NXPE2: variants seen among roughly 807,000 people sequenced by gnomAD.
NXPE2 encodes neurexophilin and PC-esterase domain family member 2.
A neutral mutation model predicts 34.4 loss-of-function variants in NXPE2; 34 were observed. That is an observed-to-expected ratio of 0.99 (90% CI 0.75 to 1.31). The LOEUF (loss-of-function observed/expected upper bound fraction) is 1.31. Among genes scored for constraint, NXPE2 ranks in the 40% most tolerant of loss-of-function variants. The pLI, the probability that NXPE2 is intolerant of heterozygous loss-of-function variation, is 0.00. For missense variants in NXPE2, 649 were observed against 672.5 expected (o/e 0.97, Z 0.39); for synonymous variants, 235 against 231.3 (o/e 1.02, Z -0.15).
chr11:114,470,513 T>G, the NXPE2 span, among the ~76,000 whole-genome samples: 1 of 152,146 alleles, frequency 6.6e-6, no homozygotes, highest in Non-Finnish European at 1.5e-5. Context: ...TGGTGATATG[T>G]CTGTCCAGAT....
At chr11:114,686,650 G>T (rs1251105528) in intron 2 of NXPE2, among the ~76,000 whole-genome samples, 1 of 152,078 alleles carries the variant, frequency 6.6e-6, no homozygotes, top group Non-Finnish European at 1.5e-5. Flanking sequence ...GGGATTGCTG[G>T]GTTGAATGGC....
At chr11:114,694,772 G>A (rs1951217789) in intron 2 of NXPE2, among the ~76,000 whole-genome samples, 1 of 151,840 alleles carries the variant, frequency 6.6e-6, no homozygotes, top group African/African-American at 2.4e-5. Context: ...TTTATTTCTA[G>A]CATTTCCTTT....
chr11:114,551,109 G>A, the NXPE2 span: 14 of 1,505,966 alleles, frequency 9.3e-6, no homozygotes, highest in East Asian at 3.4e-4. Flanking sequence ...CTACCTTTGT[G>A]AAGTTCTGAG....
the NXPE2 span, among the ~76,000 whole-genome samples, chr11:114,666,114 A>C: frequency 3.3e-5 from 5 of 152,028 alleles, no homozygotes; most frequent in African/African-American, 1.2e-4. Flanking sequence ...GACTCTCCAC[A>C]TCTTTAGACA....
At chr11:114,530,227 G>A in the NXPE2 span, 28 of 1,613,646 alleles carry the variant, frequency 1.7e-5, no homozygotes, top group South Asian at 6.6e-5. Context: ...TCTCTATTCC[G>A]GGTGGTCATG....
the NXPE2 span, among the ~76,000 whole-genome samples, chr11:114,520,028 T>G: frequency 2.7e-5 from 4 of 150,456 alleles, no homozygotes; most frequent in Non-Finnish European, 2.9e-5. Flanking sequence ...GGTCTCGATC[T>G]CCTGACCTCG....
intron 2 of NXPE2, among the ~76,000 whole-genome samples, chr11:114,695,932 T>G (rs925083290): frequency 6.6e-6 from 1 of 151,438 alleles, no homozygotes; most frequent in African/African-American, 2.4e-5. Context: ...GCAGGAGAAT[T>G]GCTTGAACCC....
chr11:114,537,950 C>A, the NXPE2 span, among the ~76,000 whole-genome samples: 4 of 151,930 alleles, frequency 2.6e-5, no homozygotes, highest in Non-Finnish European at 5.9e-5. Flanking sequence ...TCATATGGAA[C>A]CAAAAAGCCC....
chr11:114,643,204 G>T, the NXPE2 span, among the ~76,000 whole-genome samples: 48 of 152,128 alleles, frequency 3.2e-4, no homozygotes, highest in Non-Finnish European at 6.3e-4. Context: ...CATTCTGTAG[G>T]TTTCCTGTTC....
intron 1 of NXPE2, among the ~76,000 whole-genome samples, chr11:114,678,818 T>C (rs1429150981): frequency 6.6e-6 from 1 of 151,862 alleles, no homozygotes; most frequent in Non-Finnish European, 1.5e-5. Context: ...GCAGTGTAGA[T>C]AGTATTGTTT....
chr11:114,653,078 C>T, the NXPE2 span, among the ~76,000 whole-genome samples: 46 of 152,154 alleles, frequency 3.0e-4, 1 homozygote, highest in Non-Finnish European at 6.0e-4. Flanking sequence ...CCTTTTTACT[C>T]ATTGAATGTA....
At chr11:114,685,867 A>C (rs1326860161) in intron 2 of NXPE2, among the ~76,000 whole-genome samples, 1 of 152,148 alleles carries the variant, frequency 6.6e-6, no homozygotes, top group Non-Finnish European at 1.5e-5. Flanking sequence ...TCTTGACATG[A>C]CAAAATCATA....
the NXPE2 span, among the ~76,000 whole-genome samples, chr11:114,720,498 C>T: frequency 7.9e-5 from 12 of 152,226 alleles, no homozygotes. Flanking sequence ...CCTTAGAAAG[C>T]TTCTGGGTCA....
chr11:114,589,349 G>T, the NXPE2 span, among the ~76,000 whole-genome samples: 1 of 152,018 alleles, frequency 6.6e-6, no homozygotes, highest in African/African-American at 2.4e-5. Flanking sequence ...AGGAAGGAAG[G>T]TGGACCTCCT....
chr11:114,597,206 A>G, the NXPE2 span, among the ~76,000 whole-genome samples: 1 of 152,236 alleles, frequency 6.6e-6, no homozygotes. Context: ...TAAATCAACA[A>G]TGAAGATTAA....
At chr11:114,469,429 A>C in the NXPE2 span, among the ~76,000 whole-genome samples, 3 of 152,068 alleles carry the variant, frequency 2.0e-5, no homozygotes, top group African/African-American at 7.2e-5. Flanking sequence ...CTAGCTTTTT[A>C]AGAATAGCTT....
chr11:114,534,620 G>A, the NXPE2 span, among the ~76,000 whole-genome samples: 2 of 152,182 alleles, frequency 1.3e-5, no homozygotes, highest in East Asian at 1.9e-4. Context: ...ACCACAGCAC[G>A]AGAGCTACGT....
chr11:114,497,806 A>G, the NXPE2 span, among the ~76,000 whole-genome samples: 2 of 152,206 alleles, frequency 1.3e-5, no homozygotes, highest in African/African-American at 4.8e-5. Flanking sequence ...AATTTATGTC[A>G]GTTATAACTT....
the NXPE2 span, among the ~76,000 whole-genome samples, chr11:114,722,528 T>A: frequency 6.6e-6 from 1 of 152,188 alleles, no homozygotes; most frequent in African/African-American, 2.4e-5. Flanking sequence ...GGGAGCTCTG[T>A]TTTTGTTACA....
Sources: gnomAD v4.1 joint callset for allele counts (sites outside exome capture counted in the v4.1 genomes callset) on GRCh38, gnomAD v4.1.1 for gene constraint, MANE v1.5 for transcripts, NCBI Gene and HGNC (gene_info 2026-07-23, HGNC 2026-07-21) for gene names.